NLGN4X: variants seen among roughly 807,000 people sequenced by gnomAD.
NLGN4X encodes the protein neuroligin 4 X-linked, also known as neuroligin-4, X-linked.
In NLGN4X, 3 loss-of-function variants were observed where a neutral mutation model predicts 40.3. The observed-to-expected ratio is 0.07, with a 90% CI of 0.03 to 0.19. The LOEUF is 0.19. NLGN4X is among the 10% of genes least tolerant of loss of function. The probability of loss-of-function intolerance (pLI) is 1.00; values close to 1 mark genes in which losing one functional copy is unlikely to be tolerated. For synonymous variants in NLGN4X, 270 were observed against 306.8 expected, an observed-to-expected ratio of 0.88 and a Z score of 1.25; for missense variants, 382 against 708.3, an observed-to-expected ratio of 0.54 and a Z score of 5.23.
intron 2 of NLGN4X, among the ~76,000 whole-genome samples, chrX:6,085,773 T>G (rs759185738): frequency 8.9e-6 from 1 of 112,379 alleles, no homozygotes; most frequent in East Asian, 2.8e-4. Flanking sequence ...CCTGGTGTGG[T>G]GGACTCCATG....
intron 2 of NLGN4X, among the ~76,000 whole-genome samples, chrX:6,134,824 G>A (rs1213592290): frequency 1.8e-5 from 2 of 112,443 alleles, no homozygotes; most frequent in East Asian, 5.6e-4. Context: ...AGTCTACTGA[G>A]CAGAAAGAGC....
chrX:6,037,260 C>T (rs1307638067), intron 2 of NLGN4X, among the ~76,000 whole-genome samples: 1 of 107,909 alleles, frequency 9.3e-6, no homozygotes, highest in Non-Finnish European at 1.9e-5. Context: ...GAGCTGAGAT[C>T]GCCCTGCTGC....
chrX:6,222,490 C>T (rs1372919095), intron 1 of NLGN4X, among the ~76,000 whole-genome samples: 1 of 112,303 alleles, frequency 8.9e-6, no homozygotes, highest in East Asian at 2.8e-4. Context: ...CATTTATCCA[C>T]ATTTCCAGAG....
At chrX:5,934,028 G>T (rs2033649790) in intron 3 of NLGN4X, among the ~76,000 whole-genome samples, 1 of 111,717 alleles carries the variant, frequency 9.0e-6, no homozygotes, top group Non-Finnish European at 1.9e-5. Context: ...AGATGTCTAT[G>T]CCTCTTGACC....
At chrX:6,049,238 AGGGGAGGGGAGGGGAGGGGAGGGGAG>A (rs2037410771) in intron 2 of NLGN4X, among the ~76,000 whole-genome samples, 32 of 2,910 alleles carry the variant, frequency 0.011, no homozygotes, top group Non-Finnish European at 0.015. Flanking sequence ...AGGGGAGGGG[AGGGGAGGGGAGGGGAGGGGAGGGGAG>A]GGGAGGGGAG....
intron 1 of NLGN4X, among the ~76,000 whole-genome samples, chrX:6,161,671 T>C (rs990225459): frequency 9.2e-6 from 1 of 108,617 alleles, no homozygotes; most frequent in Non-Finnish European, 1.9e-5. Flanking sequence ...ATTGCTTTAA[T>C]ATTTTGGTTG....
intron 3 of NLGN4X, among the ~76,000 whole-genome samples, chrX:5,925,199 TGATG>T: frequency 1.8e-5 from 2 of 111,658 alleles, no homozygotes; most frequent in Admixed American, 9.5e-5. Context: ...TAACAAATAC[TGATG>T]CCTATGTCCC....
intron 1 of NLGN4X, among the ~76,000 whole-genome samples, chrX:6,190,216 T>G (rs767267085): frequency 1.8e-5 from 2 of 111,527 alleles, no homozygotes; most frequent in East Asian, 5.6e-4. Context: ...AAAATCAACT[T>G]TGTTGGAAAC....
intron 2 of NLGN4X, among the ~76,000 whole-genome samples, chrX:6,103,985 C>A (rs1436209122): frequency 9.0e-6 from 1 of 111,548 alleles, no homozygotes. Context: ...TGCACTTGTG[C>A]GTGAGGCATG....
At chrX:5,942,757 T>C (rs899353604) in intron 3 of NLGN4X, among the ~76,000 whole-genome samples, 1 of 110,746 alleles carries the variant, frequency 9.0e-6, no homozygotes, top group South Asian at 3.9e-4. Flanking sequence ...TCTTCCTTGA[T>C]TGGGCTTTTC....
chrX:6,035,037 T>C (rs2036967016), intron 2 of NLGN4X, among the ~76,000 whole-genome samples: 1 of 112,292 alleles, frequency 8.9e-6, no homozygotes, highest in Non-Finnish European at 1.9e-5. Flanking sequence ...ATTTAGCTAA[T>C]GTTTAGTAAC....
intron 3 of NLGN4X, among the ~76,000 whole-genome samples, chrX:6,024,483 C>A (rs750295409): frequency 9.0e-6 from 1 of 110,826 alleles, no homozygotes; most frequent in Non-Finnish European, 1.9e-5. Context: ...TACTGGGCTG[C>A]ATTCCCAAGA....
chrX:6,086,746 C>T (rs1418321923), intron 2 of NLGN4X, among the ~76,000 whole-genome samples: 1 of 111,453 alleles, frequency 9.0e-6, no homozygotes, highest in African/African-American at 3.3e-5. Flanking sequence ...ACCCTCCCAC[C>T]TCAGTCTTCT....
chrX:6,034,299 C>T (rs761963819), intron 2 of NLGN4X, among the ~76,000 whole-genome samples: 2 of 112,225 alleles, frequency 1.8e-5, no homozygotes, highest in South Asian at 7.4e-4. Flanking sequence ...TCCTTTCATA[C>T]TGTAGCATGC....
At chrX:5,952,610 T>C (rs986965610) in intron 3 of NLGN4X, among the ~76,000 whole-genome samples, 1 of 111,414 alleles carries the variant, frequency 9.0e-6, no homozygotes, top group Non-Finnish European at 1.9e-5. Context: ...GTGGTACTAA[T>C]GTATATCAAA....
At chrX:6,061,440 G>A (rs960319151) in intron 2 of NLGN4X, among the ~76,000 whole-genome samples, 10 of 110,401 alleles carry the variant, frequency 9.1e-5, no homozygotes, top group Non-Finnish European at 1.9e-5. Flanking sequence ...AAAAAAAAGT[G>A]TGTCTATATT....
At position 5,992,724 on chromosome X, in the gene NLGN4X, G is replaced by A. The variant is rs1436330487; in HGVS notation, c.625+36556C>T. Among the ~76,000 whole-genome samples the A allele has an allele frequency of 8.1e-5, 9 of 111,790 alleles. No individual in the cohort carries two copies. The East Asian group carries it at 2.5e-3, about 32-fold the overall frequency. On this transcript the variant is annotated intron_variant, in intron 3 of 5. Coordinates refer to ENST00000381095, the MANE Select transcript of NLGN4X (RefSeq NM_181332.3). ...CAGGGAGCTTCCACTTATGGTGGAA[G>A]AGGAAGGGGAGCTGCTGTGTGCGCA...
intron 1 of NLGN4X, among the ~76,000 whole-genome samples, chrX:6,219,883 T>C (rs925754424): frequency 3.6e-5 from 4 of 112,333 alleles, no homozygotes; most frequent in African/African-American, 1.3e-4. Flanking sequence ...TAGCTGGTTA[T>C]ATTTTAAAAC....
chrX:6,084,838 C>T (rs1274743975), intron 2 of NLGN4X, among the ~76,000 whole-genome samples: 1 of 110,519 alleles, frequency 9.0e-6, no homozygotes, highest in Non-Finnish European at 1.9e-5. Context: ...ATCATGGTGC[C>T]TTGATCTTGG....
Sources: gnomAD v4.1 joint callset for allele counts (sites outside exome capture counted in the v4.1 genomes callset) on GRCh38, gnomAD v4.1.1 for gene constraint, MANE v1.5 for transcripts, NCBI Gene and HGNC (gene_info 2026-07-23, HGNC 2026-07-21) for gene names.